Variants in NOX4 observed in about 807,000 individuals in gnomAD.
The protein encoded by NOX4 is kidney oxidase-1.
In NOX4, 69 loss-of-function variants were observed where a neutral mutation model predicts 87.6. That is an observed-to-expected ratio of 0.79 (90% CI 0.65 to 0.96). The LOEUF (loss-of-function observed/expected upper bound fraction) is 0.96, where lower values mean the gene tolerates loss of function less well. Among genes scored for constraint, NOX4 ranks in the 40% least tolerant of loss-of-function variants. The probability of loss-of-function intolerance (pLI) is 0.00; values close to 1 mark genes in which losing one functional copy is unlikely to be tolerated. For synonymous variants in NOX4, 275 were observed against 238.2 expected (o/e 1.15, Z -1.42); for missense variants, 680 against 681.5 (o/e 1.00, Z 0.02).
the NOX4 span, among the ~76,000 whole-genome samples, chr11:89,514,713 T>C: frequency 2.0e-5 from 3 of 151,990 alleles, no homozygotes; most frequent in African/African-American, 7.2e-5. Flanking sequence ...ATGCTTTTTC[T>C]GTGTCTCCTA....
intron 7 of NOX4, among the ~76,000 whole-genome samples, chr11:89,426,869 G>C (rs951158974): frequency 2.0e-5 from 3 of 152,164 alleles, no homozygotes; most frequent in Admixed American, 6.5e-5. Context: ...GCTTTGAAGA[G>C]AGTAGTGGTT....
chr11:89,378,592 T>C (rs1004872661), intron 11 of NOX4, among the ~76,000 whole-genome samples: 1 of 152,082 alleles, frequency 6.6e-6, no homozygotes, highest in African/African-American at 2.4e-5. Flanking sequence ...ATAGAAGGTA[T>C]CAGTTGAATA....
At chr11:89,406,565 G>A (rs1942198052) in intron 8 of NOX4, among the ~76,000 whole-genome samples, 1 of 151,928 alleles carries the variant, frequency 6.6e-6, no homozygotes, top group African/African-American at 2.4e-5. Flanking sequence ...CAATATTATG[G>A]TCACTGCCTT....
rs776746373 is a variant in NOX4, at chr11:89,400,279, C to T, written c.947G>A (p.Ser316Asn). The change falls in exon 10 of 18, where the codon AGT becomes AAT. Residue 316 changes from serine (S) to asparagine (N), a missense_variant. Ser to Asn is a conservative substitution (Grantham distance 46). Coordinates refer to ENST00000263317, the MANE Select transcript of NOX4 (RefSeq NM_016931.5). ...NKPVTIISVM[S>N]HPSDVMEIRM... ...GATTTCCATGACATCTGAGGGATGA[C>T]TCATGACCGAAATGATGGTGACTGG... The T allele has an allele frequency of 8.1e-6, 13 of 1,613,002 alleles. No individual in the cohort carries two copies. The South Asian group carries it at 1.3e-4, about 16-fold the overall frequency.
chr11:89,403,978 A>C (rs1450361357), intron 8 of NOX4, among the ~76,000 whole-genome samples: 1 of 152,044 alleles, frequency 6.6e-6, no homozygotes, highest in African/African-American at 2.4e-5. Flanking sequence ...TCATGAAGTC[A>C]TTAGGGAGCA....
intron 7 of NOX4, among the ~76,000 whole-genome samples, chr11:89,423,209 A>C (rs1297043642): frequency 6.6e-6 from 1 of 152,152 alleles, no homozygotes; most frequent in African/African-American, 2.4e-5. Flanking sequence ...AAATGTATTT[A>C]TTAATTACAA....
intron 8 of NOX4, among the ~76,000 whole-genome samples, chr11:89,416,579 C>T (rs1303307089): frequency 6.6e-6 from 1 of 152,118 alleles, no homozygotes; most frequent in Non-Finnish European, 1.5e-5. Flanking sequence ...CCAGTCAGCA[C>T]AATAAGCCGA....
the NOX4 span, among the ~76,000 whole-genome samples, chr11:89,521,434 GGGCTCCATATTCAATAAAT>G: frequency 2.6e-5 from 4 of 152,058 alleles, no homozygotes; most frequent in Non-Finnish European, 5.9e-5. Flanking sequence ...AACAGGGAAA[GGGCTCCATATTCAATAAAT>G]GGTGCTGGAA....
intron 13 of NOX4, among the ~76,000 whole-genome samples, chr11:89,348,083 C>T (rs1946293257): frequency 6.6e-6 from 1 of 152,080 alleles, no homozygotes; most frequent in Non-Finnish European, 1.5e-5. Flanking sequence ...CAAGAGCAGC[C>T]TGTGCAACAA....
chr11:89,381,162 T>C (rs769809152), intron 11 of NOX4, among the ~76,000 whole-genome samples: 1 of 152,170 alleles, frequency 6.6e-6, no homozygotes, highest in Non-Finnish European at 1.5e-5. Flanking sequence ...AGTGCAGGCA[T>C]GCTATGTAAA....
At chr11:89,453,950 C>T (rs1010689442) in intron 2 of NOX4, among the ~76,000 whole-genome samples, 10 of 152,102 alleles carry the variant, frequency 6.6e-5, no homozygotes, top group Admixed American at 2.6e-4. Flanking sequence ...TTTTAGACAA[C>T]CACCCTAGAT....
intron 6 of NOX4, among the ~76,000 whole-genome samples, chr11:89,433,808 GGATA>G (rs1943940140): frequency 6.6e-6 from 1 of 151,884 alleles, no homozygotes; most frequent in African/African-American, 2.4e-5. Context: ...TATAATGGCA[GGATA>G]GATTGCTACA....
At chr11:89,521,069 T>C in the NOX4 span, among the ~76,000 whole-genome samples, 2 of 152,158 alleles carry the variant, frequency 1.3e-5, no homozygotes. Flanking sequence ...AAACATTTCA[T>C]GCCCATAGAT....
the NOX4 span, among the ~76,000 whole-genome samples, chr11:89,571,752 G>A: frequency 2.7e-5 from 4 of 150,540 alleles, no homozygotes; most frequent in Non-Finnish European, 5.9e-5. Flanking sequence ...AATTCAAGCT[G>A]GGAACTATGT....
At chr11:89,450,801 AG>A (rs1410270675) in intron 3 of NOX4, among the ~76,000 whole-genome samples, 2 of 150,512 alleles carry the variant, frequency 1.3e-5, no homozygotes, top group African/African-American at 2.4e-5. Context: ...ACAATAGTAA[AG>A]ACTTGGAACC....
At chr11:89,518,375 G>T in the NOX4 span, among the ~76,000 whole-genome samples, 10 of 102,402 alleles carry the variant, frequency 9.8e-5, no homozygotes, top group Non-Finnish European at 1.3e-4. Context: ...GAAAGTCTTG[G>T]GGGGGGGACA....
chr11:89,402,553 A>C lies in NOX4; in HGVS notation c.630-11T>G, dbSNP rs1310783304. ...TACTTCAGCAGCCCTCTAAAATTAC[A>C]TTTAAAACAAACAAACAGAGAAATG... On this transcript the variant is annotated splice_polypyrimidine_tract_variant and intron_variant, in intron 8 of 17. Coordinates refer to ENST00000263317, the MANE Select transcript of NOX4 (RefSeq NM_016931.5). 3.8e-6 allele frequency: 6 copies of C among 1,576,504 alleles called. No individual in the cohort carries two copies. The highest frequency in any genetic ancestry group is 1.4e-5 in the African/African-American group (1 of 74,066).
In NOX4 at chr11:89,421,916, C is replaced by T. The variant is rs777960630; in HGVS notation, c.615G>A (p.Thr205=). Reference sequence around the variant, plus strand: ...TGTAAACTTACCCTGAAACATGCAACGTCAGCAGCATGTAGAAGACAAAGA... The same window carrying T: ...TGTAAACTTACCCTGAAACATGCAATGTCAGCAGCATGTAGAAGACAAAGA... The part of the protein sequence containing the change: ...NLFFVFYMLL[T]LHVSGGLLKY... The change falls in exon 8 of 18, where the codon ACG becomes ACA. Residue 205 remains threonine (T), a synonymous_variant. Coordinates refer to ENST00000263317, the MANE Select transcript of NOX4 (RefSeq NM_016931.5). 27 of 1,568,976 alleles carry T rather than the reference C, an allele frequency of 1.7e-5. No homozygotes were observed. Among genetic ancestry groups the T allele is most frequent in the South Asian group, 1.4e-4 (12 of 83,842 alleles).
chr11:89,365,977 A>C (rs2135026674), intron 12 of NOX4, among the ~76,000 whole-genome samples: 1 of 152,238 alleles, frequency 6.6e-6, no homozygotes, highest in Admixed American at 6.6e-5. Context: ...ACATAAAATG[A>C]TTAGCAAGTG....
Sources: gnomAD v4.1 joint callset for allele counts (sites outside exome capture counted in the v4.1 genomes callset) on GRCh38, gnomAD v4.1.1 for gene constraint, MANE v1.5 for transcripts, NCBI Gene and HGNC (gene_info 2026-07-23, HGNC 2026-07-21) for gene names.